Variants in GTPBP3 observed in about 807,000 individuals in gnomAD.
GTPBP3 encodes 5-taurinomethyluridine-[tRNA] synthase subunit GTPB3, mitochondrial.
A neutral mutation model predicts 42.0 loss-of-function variants in GTPBP3; 35 were observed. The ratio of observed to expected loss-of-function variants is 0.83; its 90% CI spans 0.64 to 1.10. The LOEUF (loss-of-function observed/expected upper bound fraction) is 1.10, where lower values mean the gene tolerates loss of function less well. GTPBP3 is among the 50% of genes least tolerant of loss of function. The pLI, the probability that GTPBP3 is intolerant of heterozygous loss-of-function variation, is 0.00. For missense variants in GTPBP3, 691 were observed against 685.2 expected, an observed-to-expected ratio of 1.01 and a Z score of -0.09; for synonymous variants, 332 against 314.9, an observed-to-expected ratio of 1.05 and a Z score of -0.58.
Position 17,338,021 on chromosome 19 carries a change from C to A in GTPBP3, c.67C>A (p.Arg23=), listed in dbSNP as rs763147614. ...CTCCGGTTCCAGATTGTGCACGCGC[C>A]GGAGCAGCGGCGCACCAGCCCCCGG... ...ARGPRRLCTR[R]SSGAPAPGSG... The change falls in exon 2 of 9, where the codon CGG becomes AGG. Residue 23 remains arginine, a synonymous_variant. Coordinates refer to ENST00000324894, the MANE Select transcript of GTPBP3 (RefSeq NM_032620.4). 6.3e-7 allele frequency: 1 copy of A among 1,597,782 alleles called. No individual in the cohort carries two copies. The highest frequency in any genetic ancestry group is 8.5e-7 in the Non-Finnish European group (1 of 1,179,472).
rs755848905 is a variant in GTPBP3 at position 17,338,215 on chromosome 19, C to T, written c.261C>T (p.Ser87=). Residue 87 remains serine (S), a synonymous_variant, in exon 2 of 9, where the codon TCC becomes TCT. Transcript: ENST00000324894. ...ASLRLLSDPR[S]GEPLDRALVL... ...TGCGCCTGCTCAGCGATCCCCGCTC[C>T]GGGGAGCCTCTGGACCGCGCACTGG... 7.6e-6 allele frequency: 12 copies of T among 1,583,000 alleles called. No homozygotes were observed. Among genetic ancestry groups the T allele is most frequent in the African/African-American group, 1.3e-5 (1 of 74,206 alleles).
At chr19:17,337,758 G>C in intron 1 of GTPBP3, 94 bp downstream of exon 1, 1 of 1,367,868 alleles carries the variant, frequency 7.3e-7, no homozygotes. Context: ...CCCTGCGGCA[G>C]AGCAATCATT....
In GTPBP3 at chr19:17,338,210, CG is replaced by C; in HGVS notation, c.257del (p.Arg86ProfsTer37). On this transcript the variant is annotated frameshift_variant, in exon 2 of 9. Coordinates refer to ENST00000324894, the MANE Select transcript of GTPBP3 (RefSeq NM_032620.4). LOFTEE classifies it high-confidence loss of function. ...HASLRLLSDP[R>X]SGEPLDRALV... is the part of the protein sequence containing the mutation. Reference sequence around the variant, plus strand: ...CAGCCTGCGCCTGCTCAGCGATCCCCGCTCCGGGGAGCCTCTGGACCGCGCA... The same window carrying C: ...CAGCCTGCGCCTGCTCAGCGATCCCCCTCCGGGGAGCCTCTGGACCGCGCA... The C allele has an allele frequency of 6.3e-7, 1 of 1,583,354 alleles. No individual in the cohort carries two copies. The highest frequency in any genetic ancestry group is 1.7e-4 in the Middle Eastern group (1 of 6,030).
rs1420483609 is a variant in GTPBP3, at chr19:17,341,249, C to T, written c.1180C>T (p.Leu394=). Residue 394 remains leucine (L), a synonymous_variant, in exon 8 of 9, where the codon CTG becomes TTG. Transcript: ENST00000324894. ...TCCCGGTCCTGACCTGCCCCCGCAC[C>T]TGCTGCTGTCCTGTCTGACGGGAGA... The part of the protein sequence containing the change: ...PGPGPDLPPH[L]LLSCLTGEGL... 1.9e-6 allele frequency: 3 copies of T among 1,606,908 alleles called. No individual in the cohort carries two copies. The South Asian group carries it at 3.3e-5, about 18-fold the overall frequency.
Position 17,342,697 on chromosome 19 carries a change from T to C in GTPBP3, c.*994T>C, listed in dbSNP as rs2074444698. On this transcript the variant is annotated 3_prime_UTR_variant, in exon 9 of 9. Transcript: ENST00000324894. ...ACCTTTCAAATATGTTTGTCTTGTG[T>C]ATCATATATAAATGGTATTGTGTTC... The C allele has an allele frequency of 6.6e-6, 1 of 152,126 alleles. No homozygotes were observed. The highest frequency in any genetic ancestry group is 2.4e-5 in the African/African-American group (1 of 41,436). The allele number at this position is 152,126 out of a possible 1,614,324, so 9.4% of individuals were successfully genotyped here.
Position 17,339,458 on chromosome 19 carries a change from CCCCGGAG to C in GTPBP3, c.836_842del (p.Pro279GlnfsTer21). ...GGTCGGAAGCCTGTGTCCATCGTGTCCCCGGAGCCAGGGACCACCCGTGACGTGCTGG... is the reference window on the plus strand; with the variant it reads ...GGTCGGAAGCCTGTGTCCATCGTGTCCCAGGGACCACCCGTGACGTGCTGG... On this transcript the variant is annotated frameshift_variant, in exon 7 of 9. Transcript: ENST00000324894. LOFTEE classifies it high-confidence loss of function. 1 of 1,613,910 alleles carries C rather than the reference CCCCGGAG, an allele frequency of 6.2e-7. No individual in the cohort carries two copies. Among genetic ancestry groups the C allele is most frequent in the Non-Finnish European group, 8.5e-7 (1 of 1,179,970 alleles).
chr19:17,339,280 G>A lies in GTPBP3; in HGVS notation c.808+14G>A. The A allele has an allele frequency of 6.3e-7, 1 of 1,593,688 alleles. No homozygotes were observed. Among genetic ancestry groups the A allele is most frequent in the Non-Finnish European group, 8.5e-7 (1 of 1,170,270 alleles). Reference sequence around the variant, plus strand: ...TGAACCTGCTCAGTGAGTAGGCGGCGGGAAGGGGGCGGGGCCTAGTGCCAG... The same window carrying A: ...TGAACCTGCTCAGTGAGTAGGCGGCAGGAAGGGGGCGGGGCCTAGTGCCAG... On this transcript the variant is annotated intron_variant, in intron 6 of 8. Transcript: ENST00000324894.
upstream of GTPBP3, among the ~76,000 whole-genome samples, chr19:17,336,059 AC>A (rs1175817913): frequency 3.4e-4 from 52 of 152,074 alleles, no homozygotes. Context: ...ACATGGCCAA[AC>A]CCTGTCTCTA....
chr19:17,337,889 C>A, intron 1 of GTPBP3, 119 bp from the exon 2 acceptor site: 1 of 1,363,230 alleles, frequency 7.3e-7, no homozygotes, highest in Non-Finnish European at 9.9e-7. Flanking sequence ...CCAATTTGTG[C>A]ATCCCCCAGC....
chr19:17,341,060 C>G lies in GTPBP3; in HGVS notation c.991C>G (p.Leu331Val), dbSNP rs749538509. ...RARERLEQAD[L>V]ILAMLDASDL... ...CTCCCGCAGGCTAGAGCAGGCTGAC[C>G]TCATTCTGGCCATGCTGGATGCTTC... The change falls in exon 8 of 9, where the codon CTC becomes GTC. Residue 331 changes from leucine to valine, a missense_variant. By Grantham distance (32) the Leu-to-Val change is conservative. Coordinates refer to ENST00000324894, the MANE Select transcript of GTPBP3 (RefSeq NM_032620.4). The G allele has an allele frequency of 1.7e-5, 28 of 1,613,460 alleles. No individual in the cohort carries two copies. In the Middle Eastern group the frequency reaches 6.6e-4, roughly 38 times the overall value.
At chr19:17,337,520 T>G, upstream of GTPBP3, 1 of 1,287,462 alleles carries the variant, frequency 7.8e-7, no homozygotes, top group Non-Finnish European at 9.9e-7. Context: ...GTTGAGCACT[T>G]TACTAGTCAA....
chr19:17,337,424 C>T (rs573502868), upstream of GTPBP3: 7 of 1,187,518 alleles, frequency 5.9e-6, no homozygotes, highest in Middle Eastern at 3.0e-4. Flanking sequence ...CCCGCTCCCG[C>T]TCTCCCTTGC....
chr19:17,341,760 C>A lies in GTPBP3; in HGVS notation c.*57C>A, dbSNP rs2074435641. 2 of 1,443,660 alleles carry A rather than the reference C, an allele frequency of 1.4e-6. No homozygotes were observed. Among genetic ancestry groups the A allele is most frequent in the South Asian group, 2.7e-5 (2 of 73,778 alleles). The allele number at this position is 1,443,660 out of a possible 1,614,324, so 89.4% of individuals were successfully genotyped here. ...TGGAGACCCAGGAGCCTCGGGGGATCTGGAAACAGTTTAGGCCAATTGGGA... is the reference window on the plus strand; with the variant it reads ...TGGAGACCCAGGAGCCTCGGGGGATATGGAAACAGTTTAGGCCAATTGGGA... On this transcript the variant is annotated 3_prime_UTR_variant, in exon 9 of 9. Transcript: ENST00000324894.
intron 5 of GTPBP3, 26 bp downstream of exon 5, chr19:17,339,052 GAA>G (rs2074399555): frequency 6.2e-7 from 1 of 1,614,056 alleles, no homozygotes; most frequent in African/African-American, 1.3e-5. Flanking sequence ...GGTGGGGGAG[GAA>G]GACACCTCAT....
In GTPBP3 at chr19:17,337,610, C is replaced by T. The variant is rs2074378952; in HGVS notation, c.-2C>T. 1.5e-6 allele frequency: 2 copies of T among 1,325,748 alleles called. No homozygotes were observed. Among genetic ancestry groups the T allele is most frequent in the African/African-American group, 1.5e-5 (1 of 64,910 alleles). The allele number at this position is 1,325,748 out of a possible 1,614,324, so 82.1% of individuals were successfully genotyped here. A position where few individuals can be genotyped will look rare whatever the true frequency, so the allele number is the denominator to read the frequency against. ...GGCAGGCGGGTCGCAGGTTGTAAATCCATGTGGCGGGGGCTTTGGACCCTG... is the reference window on the plus strand; with the variant it reads ...GGCAGGCGGGTCGCAGGTTGTAAATTCATGTGGCGGGGGCTTTGGACCCTG... On this transcript the variant is annotated 5_prime_UTR_variant, in exon 1 of 9. Transcript: ENST00000324894.
upstream of GTPBP3, chr19:17,337,503 G>T: frequency 7.9e-7 from 1 of 1,264,800 alleles, no homozygotes; most frequent in South Asian, 3.6e-5. Flanking sequence ...AATGGTGGTC[G>T]AGAATAGTTG....
chr19:17,337,847 C>A, intron 1 of GTPBP3, 161 bp from the exon 2 acceptor site: 1 of 1,214,776 alleles, frequency 8.2e-7, no homozygotes, highest in Non-Finnish European at 1.1e-6. Flanking sequence ...CTCACAGTCC[C>A]TAATCCGGTC....
Position 17,341,123 on chromosome 19 carries a change from A to G in GTPBP3, c.1054A>G (p.Thr352Ala). The G allele has an allele frequency of 1.9e-6, 3 of 1,613,620 alleles. No individual in the cohort carries two copies. The highest frequency in any genetic ancestry group is 2.5e-6 in the Non-Finnish European group (3 of 1,179,986). ...TCCCTCCAGTTGCAACTTCCTGGCC[A>G]CCGTCGTAGCCTCTGTGGGAGCCCA... ...ASPSSCNFLATVVASVGAQSP... is the reference protein window; with the variant it reads ...ASPSSCNFLAAVVASVGAQSP... Residue 352 changes from threonine to alanine, a missense_variant, in exon 8 of 9, where the codon ACC (threonine) becomes GCC (alanine). By Grantham distance (58) the Thr-to-Ala change is moderately conservative (BLOSUM62 0). Coordinates refer to ENST00000324894, the MANE Select transcript of GTPBP3 (RefSeq NM_032620.4).
In GTPBP3 at chr19:17,338,535, G is replaced by T. The variant is rs2074391634; in HGVS notation, c.389-4G>T. 1 of 1,613,344 alleles carries T rather than the reference G, an allele frequency of 6.2e-7. No homozygotes were observed. The highest frequency in any genetic ancestry group is 2.2e-5 in the East Asian group (1 of 44,844). On this transcript the variant is annotated splice_region_variant and splice_polypyrimidine_tract_variant and intron_variant, in intron 3 of 8. Coordinates refer to ENST00000324894, the MANE Select transcript of GTPBP3 (RefSeq NM_032620.4). ...GGGGGTGTCAGACTGGGACCTTCCTGCAGGCAGCGTGCCAGGGCTTCGACC... is the reference window on the plus strand; with the variant it reads ...GGGGGTGTCAGACTGGGACCTTCCTTCAGGCAGCGTGCCAGGGCTTCGACC...
Sources: allele counts gnomAD v4.1 joint callset (sites outside exome capture counted in the v4.1 genomes callset), GRCh38; gene constraint gnomAD v4.1.1; transcripts MANE v1.5; gene names NCBI Gene and HGNC (gene_info 2026-07-23, HGNC 2026-07-21).